Variants in RASSF3 observed in about 807,000 individuals in gnomAD.
RASSF3 encodes the protein Ras association domain family member 3.
Under a neutral mutation model 19.9 loss-of-function variants are expected in RASSF3, and 19 were observed. The observed-to-expected ratio is 0.96, with a 90% CI of 0.67 to 1.40. The LOEUF (loss-of-function observed/expected upper bound fraction) is 1.40. RASSF3 is among the 40% of genes most tolerant of loss of function. The pLI, the probability that RASSF3 is intolerant of heterozygous loss-of-function variation, is 0.00. For synonymous variants in RASSF3, 110 were observed against 104.2 expected, an observed-to-expected ratio of 1.06 and a Z score of -0.34; for missense variants, 306 against 289.8, an observed-to-expected ratio of 1.06 and a Z score of -0.41.
downstream of RASSF3, among the ~76,000 whole-genome samples, chr12:64,542,316 A>T (rs569781115): frequency 4.6e-5 from 7 of 152,256 alleles, no homozygotes; most frequent in African/African-American, 1.7e-4. Flanking sequence ...TAAGTGACAG[A>T]GTAAGATCCC....
intron 1 of RASSF3, among the ~76,000 whole-genome samples, chr12:64,622,996 T>A (rs1243201294): frequency 1.3e-5 from 2 of 151,986 alleles, no homozygotes; most frequent in Admixed American, 1.3e-4. Flanking sequence ...AATTTTTGTA[T>A]TTTTAGTAGA....
chr12:64,544,497 G>C (rs763353372), downstream of RASSF3, among the ~76,000 whole-genome samples: 4 of 152,096 alleles, frequency 2.6e-5, no homozygotes, highest in Non-Finnish European at 4.4e-5. Context: ...CACGCCTGTG[G>C]TCCCAACTAC....
At position 64,687,448 on chromosome 12, in the gene RASSF3, G is replaced by GT. The variant is rs77732833; in HGVS notation, c.220-759dup. Among the ~76,000 whole-genome samples, 86 of 147,982 alleles carry GT rather than the reference G, an allele frequency of 5.8e-4. No individual in the cohort carries two copies. The East Asian group carries it at 6.8e-3, about 12-fold the overall frequency. ...CTGTGAAGTATAGTGGTTTGAATTTGTTTTTTTTTGTTTTGTTTTGTTTTT... is the reference window on the plus strand; with the variant it reads ...CTGTGAAGTATAGTGGTTTGAATTTGTTTTTTTTTTGTTTTGTTTTGTTTTT... On this transcript the variant is annotated intron_variant, in intron 2 of 4. Coordinates refer to ENST00000542104, the MANE Select transcript of RASSF3 (RefSeq NM_178169.4).
At chr12:64,549,733 A>G (rs1273089194) in intron 2 of RASSF3, among the ~76,000 whole-genome samples, 1 of 152,172 alleles carries the variant, frequency 6.6e-6, no homozygotes, top group Admixed American at 6.5e-5. Context: ...AGGTAGGGAT[A>G]CAGTAGTTGG....
At chr12:64,584,639 T>G (rs952691381) in intron 2 of RASSF3, among the ~76,000 whole-genome samples, 6 of 151,798 alleles carry the variant, frequency 4.0e-5, no homozygotes, top group Non-Finnish European at 7.4e-5. Flanking sequence ...CCAAAGGAAA[T>G]GCACGCAAAC....
chr12:64,671,483 G>A (rs1872701230), intron 1 of RASSF3, among the ~76,000 whole-genome samples: 1 of 152,178 alleles, frequency 6.6e-6, no homozygotes, highest in Admixed American at 6.5e-5. Context: ...GATGATGTAA[G>A]TGTTTCACAC....
intron 1 of RASSF3, among the ~76,000 whole-genome samples, chr12:64,676,913 C>T (rs537328235): frequency 1.9e-4 from 29 of 152,102 alleles, no homozygotes; most frequent in African/African-American, 6.3e-4. Flanking sequence ...TGACTACAAG[C>T]GCACACCACG....
chr12:64,619,860 C>T (rs1870685588), intron 1 of RASSF3, among the ~76,000 whole-genome samples: 1 of 151,616 alleles, frequency 6.6e-6, no homozygotes, highest in African/African-American at 2.4e-5. Flanking sequence ...CATGCCTGTA[C>T]TCCCAGCTAC....
Position 64,694,805 on chromosome 12 carries a change from A to C in RASSF3, c.610A>C (p.Ile204Leu), listed in dbSNP as rs745397854. 1.9e-6 allele frequency: 3 copies of C among 1,614,082 alleles called. No individual in the cohort carries two copies. The African/African-American group carries it at 4.0e-5, about 22-fold the overall frequency. ...SLPELQNFLR[I>L]LDKEEDEQLQ... ...TCCAGAACTACAGAATTTCTTGCGC[A>C]TCTTGGACAAGGAAGAAGATGAACA... The change falls in exon 5 of 5, where the codon ATC (isoleucine) becomes CTC (leucine). Residue 204 changes from isoleucine (I) to leucine (L), a missense_variant. By Grantham distance (5) the Ile-to-Leu change is conservative (BLOSUM62 2). Coordinates refer to ENST00000542104, the MANE Select transcript of RASSF3 (RefSeq NM_178169.4).
downstream of RASSF3, among the ~76,000 whole-genome samples, chr12:64,543,995 T>C (rs1468513743): frequency 6.6e-6 from 1 of 152,010 alleles, no homozygotes; most frequent in Non-Finnish European, 1.5e-5. Flanking sequence ...ATTGGCTCTC[T>C]GTAAAATGGA....
At chr12:64,612,929 G>A (rs1331791728) in intron 1 of RASSF3, among the ~76,000 whole-genome samples, 1 of 152,144 alleles carries the variant, frequency 6.6e-6, no homozygotes, top group Admixed American at 6.6e-5. Flanking sequence ...GACATAGTTC[G>A]TGGTTGAAGA....
At chr12:64,690,084 T>C (rs901531485) in intron 3 of RASSF3, among the ~76,000 whole-genome samples, 1 of 152,000 alleles carries the variant, frequency 6.6e-6, no homozygotes, top group Non-Finnish European at 1.5e-5. Context: ...CCACCGCGCC[T>C]GGCCTCGCTA....
chr12:64,618,261 ATAGTT>A (rs1268357610), intron 1 of RASSF3, among the ~76,000 whole-genome samples: 5 of 152,116 alleles, frequency 3.3e-5, no homozygotes, highest in African/African-American at 9.7e-5. Flanking sequence ...GTTTTTCTTA[ATAGTT>A]TAAACAGGTA....
intron 2 of RASSF3, among the ~76,000 whole-genome samples, chr12:64,580,265 C>T (rs1869669815): frequency 6.6e-6 from 1 of 151,978 alleles, no homozygotes; most frequent in Admixed American, 6.6e-5. Context: ...AACCAGTGAA[C>T]TGAGTTATAA....
At chr12:64,550,092 G>GC (rs1869132498) in intron 2 of RASSF3, among the ~76,000 whole-genome samples, 1 of 151,972 alleles carries the variant, frequency 6.6e-6, no homozygotes, top group South Asian at 2.1e-4. Context: ...TAGTCTCAGC[G>GC]CCCCCCACCC....
chr12:64,521,201 C>A (rs950998366), intron 1 of RASSF3, among the ~76,000 whole-genome samples: 1 of 152,228 alleles, frequency 6.6e-6, no homozygotes, highest in African/African-American at 2.4e-5. Flanking sequence ...GACTACCCTC[C>A]TCAGCCCTTC....
intron 2 of RASSF3, among the ~76,000 whole-genome samples, chr12:64,579,800 T>G (rs1480473537): frequency 7.5e-6 from 1 of 133,154 alleles, no homozygotes; most frequent in Non-Finnish European, 1.6e-5. Context: ...AAACTAGGTG[T>G]TTTTTTGGGT....
At chr12:64,629,650 G>GA (rs2136171611) in intron 1 of RASSF3, among the ~76,000 whole-genome samples, 1 of 152,110 alleles carries the variant, frequency 6.6e-6, no homozygotes, top group African/African-American at 2.4e-5. Context: ...GTTGGCCTAT[G>GA]AAAATGAGTG....
intron 2 of RASSF3, among the ~76,000 whole-genome samples, chr12:64,588,669 A>G (rs1005796728): frequency 7.2e-5 from 11 of 152,144 alleles, no homozygotes; most frequent in Non-Finnish European, 1.3e-4. Context: ...CATAAACAAT[A>G]TGGTATATTT....
Sources: gnomAD v4.1 joint callset for allele counts (sites outside exome capture counted in the v4.1 genomes callset) on GRCh38, gnomAD v4.1.1 for gene constraint, MANE v1.5 for transcripts, NCBI Gene and HGNC (gene_info 2026-07-23, HGNC 2026-07-21) for gene names.